Variants in FHIT observed in about 807,000 individuals in gnomAD.
FHIT encodes bis(5'-adenosyl)-triphosphatase.
A neutral mutation model predicts 17.9 loss-of-function variants in FHIT; 19 were observed. That is an observed-to-expected ratio of 1.06 (90% confidence interval 0.74 to 1.56). The LOEUF is 1.56. FHIT is among the 40% of genes most tolerant of loss of function. The probability of loss-of-function intolerance (pLI) is 0.00; values close to 1 mark genes in which losing one functional copy is unlikely to be tolerated. For missense variants in FHIT, 248 were observed against 189.2 expected (o/e 1.31, Z -1.82); for synonymous variants, 81 against 69.7 (o/e 1.16, Z -0.81).
intron 5 of FHIT, among the ~76,000 whole-genome samples, chr3:60,466,028 T>C (rs933413662): frequency 1.2e-4 from 19 of 152,104 alleles, no homozygotes; most frequent in African/African-American, 3.6e-4. Flanking sequence ...ACATGGAATA[T>C]CTTTCCATTT....
intron 5 of FHIT, among the ~76,000 whole-genome samples, chr3:60,015,526 T>C (rs559139111): frequency 1.3e-5 from 2 of 152,296 alleles, no homozygotes; most frequent in South Asian, 4.1e-4. Flanking sequence ...TTTCCTTTCA[T>C]TTCCTTTGAG....
intron 7 of FHIT, among the ~76,000 whole-genome samples, chr3:60,006,748 C>T (rs964230103): frequency 1.3e-5 from 2 of 151,682 alleles, no homozygotes; most frequent in Admixed American, 6.6e-5. Flanking sequence ...ATATTCCTAA[C>T]GGAACCTCTG....
intron 5 of FHIT, among the ~76,000 whole-genome samples, chr3:60,237,392 T>C (rs1194128847): frequency 6.6e-6 from 1 of 151,138 alleles, no homozygotes; most frequent in African/African-American, 2.4e-5. Flanking sequence ...AAGTGAAATA[T>C]ACCAAGTGAC....
At chr3:60,460,927 C>T (rs904842807) in intron 5 of FHIT, among the ~76,000 whole-genome samples, 2 of 152,094 alleles carry the variant, frequency 1.3e-5, no homozygotes, top group Non-Finnish European at 2.9e-5. Flanking sequence ...TTAAGGGAAC[C>T]TTAGTCATCA....
At chr3:59,785,484 A>G (rs930898397) in intron 8 of FHIT, among the ~76,000 whole-genome samples, 37 of 151,692 alleles carry the variant, frequency 2.4e-4, no homozygotes, top group African/African-American at 8.7e-4. Context: ...TAATTTTTGT[A>G]TTTTTTGGTA....
At chr3:59,902,148 A>AT (rs1179748650) in intron 8 of FHIT, among the ~76,000 whole-genome samples, 1 of 152,154 alleles carries the variant, frequency 6.6e-6, no homozygotes, top group Non-Finnish European at 1.5e-5. Context: ...ACGGACCCGC[A>AT]TGGATATTTT....
chr3:60,354,660 T>C (rs1699567714), intron 5 of FHIT, among the ~76,000 whole-genome samples: 1 of 152,176 alleles, frequency 6.6e-6, no homozygotes, highest in Non-Finnish European at 1.5e-5. Context: ...AACAATTCTA[T>C]ATCAAAGCCA....
chr3:59,798,683 G>A (rs994441954), intron 8 of FHIT, among the ~76,000 whole-genome samples: 9 of 152,226 alleles, frequency 5.9e-5, no homozygotes, highest in East Asian at 3.9e-4. Flanking sequence ...GGGAAGACCC[G>A]CATTAGATCT....
chr3:61,008,017 AC>A lies in FHIT; in HGVS notation c.-111+34029del, dbSNP rs551371514. Among the ~76,000 whole-genome samples, 511 of 152,266 alleles carry A rather than the reference AC, an allele frequency of 3.4e-3. 2 individuals carry two copies. The highest frequency in any genetic ancestry group is 0.012 in the African/African-American group (488 of 41,558). The stretch of plus-strand genomic sequence containing the variant: ...GATCAGGTTAATTTCACCTGAAACC[AC>A]AACCTTGGTAGCTTCTTCCACTTCC... On this transcript the variant is annotated intron_variant, in intron 3 of 9. Transcript: ENST00000492590.
chr3:60,755,416 A>G (rs1197927399), intron 4 of FHIT, among the ~76,000 whole-genome samples: 2 of 152,222 alleles, frequency 1.3e-5, no homozygotes, highest in African/African-American at 4.8e-5. Flanking sequence ...GAAAATCTGC[A>G]TTCTATGGAT....
At chr3:60,480,091 G>C (rs1203399342) in intron 5 of FHIT, among the ~76,000 whole-genome samples, 1 of 152,172 alleles carries the variant, frequency 6.6e-6, no homozygotes, top group Non-Finnish European at 1.5e-5. Flanking sequence ...GGAGGCCTCA[G>C]GAAACTTACA....
intron 2 of FHIT, among the ~76,000 whole-genome samples, chr3:61,075,494 GA>G (rs2034945124): frequency 6.6e-6 from 1 of 151,978 alleles, no homozygotes; most frequent in African/African-American, 2.4e-5. Flanking sequence ...AGATTAGGAA[GA>G]CCATTGCATA....
chr3:60,706,053 C>A (rs369063855), intron 4 of FHIT, among the ~76,000 whole-genome samples: 1 of 152,206 alleles, frequency 6.6e-6, no homozygotes, highest in East Asian at 1.9e-4. Flanking sequence ...TCTTTAACAT[C>A]TACATCTAGG....
At chr3:61,223,268 A>G (rs1374184800) in intron 1 of FHIT, among the ~76,000 whole-genome samples, 1 of 152,202 alleles carries the variant, frequency 6.6e-6, no homozygotes, top group Admixed American at 6.5e-5. Flanking sequence ...CAAGCAGCAG[A>G]ACAGAGTTGA....
At chr3:60,690,980 A>G (rs1408268664) in intron 4 of FHIT, among the ~76,000 whole-genome samples, 3 of 152,162 alleles carry the variant, frequency 2.0e-5, no homozygotes, top group African/African-American at 4.8e-5. Context: ...TTGCTCCTTT[A>G]TAAGGCTAAC....
At chr3:60,166,415 C>A (rs556997665) in intron 5 of FHIT, among the ~76,000 whole-genome samples, 14 of 152,252 alleles carry the variant, frequency 9.2e-5, no homozygotes, top group African/African-American at 3.1e-4. Flanking sequence ...CTTCCAGGGA[C>A]AAATATTTGT....
intron 8 of FHIT, among the ~76,000 whole-genome samples, chr3:59,875,663 T>A (rs985952892): frequency 6.6e-6 from 1 of 152,216 alleles, no homozygotes; most frequent in Non-Finnish European, 1.5e-5. Context: ...AAGGAAATTT[T>A]ACCTTTCATC....
At chr3:60,039,335 C>T (rs1346785017) in intron 5 of FHIT, among the ~76,000 whole-genome samples, 1 of 152,194 alleles carries the variant, frequency 6.6e-6, no homozygotes, top group Non-Finnish European at 1.5e-5. Flanking sequence ...CTGTTTCATA[C>T]ATGGGGCTTT....
Position 60,042,976 on chromosome 3 carries a change from G to A in FHIT, c.104-28824C>T, listed in dbSNP as rs528340501. Among the ~76,000 whole-genome samples the A allele has an allele frequency of 6.6e-5, 10 of 152,250 alleles. No homozygotes were observed. In the East Asian group the frequency reaches 1.9e-3, roughly 29 times the overall value. On this transcript the variant is annotated intron_variant, in intron 5 of 9. Coordinates refer to ENST00000492590, the MANE Select transcript of FHIT (RefSeq NM_002012.4). Reference sequence around the variant, plus strand: ...TCTACTGTGGCAAGGCATTATGCATGGCACTGGGCAACAGAGGGAAAAAAA... The same window carrying A: ...TCTACTGTGGCAAGGCATTATGCATAGCACTGGGCAACAGAGGGAAAAAAA...
Sources: gnomAD v4.1 joint callset for allele counts (sites outside exome capture counted in the v4.1 genomes callset) on GRCh38, gnomAD v4.1.1 for gene constraint, MANE v1.5 for transcripts, NCBI Gene and HGNC (gene_info 2026-07-23, HGNC 2026-07-21) for gene names.